SPATA6: variants seen among roughly 807,000 people sequenced by gnomAD.
SPATA6 encodes spermatogenesis associated 6.
A neutral mutation model predicts 65.3 loss-of-function variants in SPATA6; 56 were observed. That is an observed-to-expected ratio of 0.86 (90% CI 0.69 to 1.07). SPATA6 has a LOEUF of 1.07. Ranked by LOEUF, SPATA6 falls within the 50% of genes least tolerant of loss-of-function variation. The pLI is 0.00. For missense variants in SPATA6, 590 were observed against 594.8 expected, an observed-to-expected ratio of 0.99 and a Z score of 0.08; for synonymous variants, 199 against 213.2, an observed-to-expected ratio of 0.93 and a Z score of 0.58.
the SPATA6 span, among the ~76,000 whole-genome samples, chr1:48,268,367 T>C: frequency 6.6e-6 from 1 of 152,076 alleles, no homozygotes; most frequent in Non-Finnish European, 1.5e-5. Flanking sequence ...TGTACATATG[T>C]AATCATATGT....
intron 11 of SPATA6, among the ~76,000 whole-genome samples, chr1:48,306,470 A>C (rs1048524309): frequency 6.6e-6 from 1 of 152,030 alleles, no homozygotes; most frequent in Admixed American, 6.6e-5. Flanking sequence ...ATACAAGGAC[A>C]TAAGAAATAG....
chr1:48,318,921 T>G (rs1371534209), intron 11 of SPATA6, among the ~76,000 whole-genome samples: 1 of 152,144 alleles, frequency 6.6e-6, no homozygotes, highest in East Asian at 1.9e-4. Context: ...AGGACAGATA[T>G]ATAGATCAAT....
At chr1:48,316,338 T>C (rs886968101) in intron 11 of SPATA6, among the ~76,000 whole-genome samples, 1 of 152,188 alleles carries the variant, frequency 6.6e-6, no homozygotes. Flanking sequence ...AACAGAGATA[T>C]AGACCAATGG....
rs920006045 is a variant in SPATA6, at chr1:48,298,970, A to G, written c.1287-77T>C. ...ATAGTACTATGTAAATCAAATATTT[A>G]TTGAGTACTCTATGGCTATTTAATT... is the stretch of plus-strand genomic sequence containing the variant. On this transcript the variant is annotated intron_variant, in intron 12 of 12. Transcript: ENST00000371847. 7 of 1,403,750 alleles carry G rather than the reference A, an allele frequency of 5.0e-6. No homozygotes were observed. In the East Asian group the frequency reaches 1.4e-4, roughly 28 times the overall value. 87.0% of individuals were successfully genotyped at this position (1,403,750 alleles called of 1,614,324 possible).
intron 1 of SPATA6, among the ~76,000 whole-genome samples, chr1:48,471,188 C>A (rs966995423): frequency 2.0e-5 from 3 of 152,204 alleles, no homozygotes; most frequent in Admixed American, 1.3e-4. Flanking sequence ...TCTGCCCCAG[C>A]TGGACTTCCA....
intron 11 of SPATA6, 93 bp downstream of exon 11, chr1:48,355,577 T>A (rs904182251): frequency 1.5e-5 from 13 of 854,592 alleles, no homozygotes; most frequent in Admixed American, 2.9e-5. Context: ...CTTTTTTTCT[T>A]CCCGGTGACT....
At chr1:48,294,907 T>A (rs571236385), downstream of SPATA6, among the ~76,000 whole-genome samples, 1 of 152,316 alleles carries the variant, frequency 6.6e-6, no homozygotes, top group African/African-American at 2.4e-5. Context: ...CCTCTGCATG[T>A]TCTGTTTCAT....
At chr1:48,344,937 C>A (rs1047893052) in intron 11 of SPATA6, among the ~76,000 whole-genome samples, 2 of 152,092 alleles carry the variant, frequency 1.3e-5, no homozygotes, top group Non-Finnish European at 2.9e-5. Context: ...GAGACTTTGA[C>A]ACCCCACTGA....
rs116869621 is a variant in SPATA6, at chr1:48,413,620, A to G, written c.239-469T>C. Among the ~76,000 whole-genome samples the G allele has an allele frequency of 1.7e-4, 26 of 152,078 alleles. 1 individual carries two copies. In the East Asian group the frequency reaches 3.9e-3, roughly 23 times the overall value. On this transcript the variant is annotated intron_variant, in intron 3 of 12. Coordinates refer to ENST00000371847, the MANE Select transcript of SPATA6 (RefSeq NM_019073.4). Reference sequence around the variant, plus strand: ...CCCAGCCTAATGTATACTTTTATAAATATAAGTTATGTCTATTTCTTAAGC... The same window carrying G: ...CCCAGCCTAATGTATACTTTTATAAGTATAAGTTATGTCTATTTCTTAAGC...
chr1:48,437,897 GAA>G (rs71056668), intron 3 of SPATA6, among the ~76,000 whole-genome samples: 34 of 138,996 alleles, frequency 2.4e-4, no homozygotes, highest in Middle Eastern at 3.6e-3. Flanking sequence ...ACTGAATTGA[GAA>G]AAAAAAAAAA....
intron 11 of SPATA6, among the ~76,000 whole-genome samples, chr1:48,338,654 G>A (rs1483041868): frequency 3.3e-5 from 5 of 151,956 alleles, no homozygotes; most frequent in African/African-American, 7.2e-5. Context: ...TTTGGTGTGA[G>A]AATCACACCA....
At chr1:48,469,201 T>C (rs1173403158) in intron 1 of SPATA6, among the ~76,000 whole-genome samples, 1 of 152,154 alleles carries the variant, frequency 6.6e-6, no homozygotes, top group African/African-American at 2.4e-5. Context: ...TCAATTTATT[T>C]TCAATTTTTA....
chr1:48,298,867 A>G lies in SPATA6; in HGVS notation c.1313T>C (p.Phe438Ser), dbSNP rs754245448. 5.6e-6 allele frequency: 9 copies of G among 1,613,470 alleles called. No homozygotes were observed. Among genetic ancestry groups the G allele is most frequent in the South Asian group, 2.2e-5 (2 of 90,942 alleles). The change falls in exon 13 of 13, where the codon TTC becomes TCC. Residue 438 changes from phenylalanine (F) to serine (S), a missense_variant. Coordinates refer to ENST00000371847, the MANE Select transcript of SPATA6 (RefSeq NM_019073.4). ...CCAGTATTCACCGTCATCCAAATGG[A>G]AAGTGCCACGTGGCTGCTGACATGA... ...YSSCQQPRGT[F>S]HLDDGEYWSN... is the part of the protein sequence containing the mutation.
chr1:48,267,613 T>C, the SPATA6 span, among the ~76,000 whole-genome samples: 7 of 152,098 alleles, frequency 4.6e-5, no homozygotes, highest in Non-Finnish European at 1.0e-4. Context: ...TCCTACCTGG[T>C]CTACAGGCGT....
At chr1:48,325,795 C>G (rs543868381) in intron 11 of SPATA6, 7 of 443,838 alleles carry the variant, frequency 1.6e-5, no homozygotes, top group African/African-American at 1.4e-4. Flanking sequence ...TGGAATCAGT[C>G]GGAATTTGCT....
At chr1:48,369,578 G>T (rs1647164481) in intron 9 of SPATA6, among the ~76,000 whole-genome samples, 1 of 152,222 alleles carries the variant, frequency 6.6e-6, no homozygotes. Flanking sequence ...GACCCTCCGA[G>T]CCATGTGTGG....
intron 12 of SPATA6, among the ~76,000 whole-genome samples, chr1:48,299,914 TA>T (rs1360089757): frequency 2.6e-5 from 4 of 152,086 alleles, no homozygotes; most frequent in South Asian, 4.1e-4. Context: ...AGTAGAAAAT[TA>T]GGCTAACTGT....
chr1:48,345,717 A>G (rs759423760), intron 11 of SPATA6, among the ~76,000 whole-genome samples: 8 of 152,178 alleles, frequency 5.3e-5, no homozygotes, highest in Admixed American at 2.0e-4. Flanking sequence ...GAACACCTCT[A>G]TGCACATAAA....
intron 11 of SPATA6, among the ~76,000 whole-genome samples, chr1:48,332,431 C>A (rs780164048): frequency 3.9e-5 from 6 of 152,058 alleles, no homozygotes; most frequent in African/African-American, 7.2e-5. Context: ...GCAGAGTATG[C>A]CATCCTAATT....
Sources: gnomAD v4.1 joint callset for allele counts (sites outside exome capture counted in the v4.1 genomes callset) on GRCh38, gnomAD v4.1.1 for gene constraint, MANE v1.5 for transcripts, NCBI Gene and HGNC (gene_info 2026-07-23, HGNC 2026-07-21) for gene names.